Variants in STAP1 observed in about 807,000 individuals in gnomAD.
STAP1 encodes signal-transducing adaptor protein 1.
A neutral mutation model predicts 37.8 loss-of-function variants in STAP1; 30 were observed. That is an observed-to-expected ratio of 0.79 (90% CI 0.59 to 1.08). The LOEUF (loss-of-function observed/expected upper bound fraction) is 1.08. STAP1 is among the 50% of genes least tolerant of loss of function. The pLI, the probability that STAP1 is intolerant of heterozygous loss-of-function variation, is 0.00. For missense variants in STAP1, 357 were observed against 349.4 expected, an observed-to-expected ratio of 1.02 and a Z score of -0.17; for synonymous variants, 130 against 116.0, an observed-to-expected ratio of 1.12 and a Z score of -0.78.
chr4:67,572,705 G>A (rs1239525042), intron 2 of STAP1, among the ~76,000 whole-genome samples: 1 of 152,172 alleles, frequency 6.6e-6, no homozygotes. Flanking sequence ...ATAACTAAAT[G>A]AGATAGTACA....
chr4:67,582,361 G>C (rs1035450254), intron 5 of STAP1, among the ~76,000 whole-genome samples: 3 of 150,590 alleles, frequency 2.0e-5, no homozygotes, highest in African/African-American at 7.3e-5. Context: ...AGCCAGGCTA[G>C]AGTGCAGCAC....
intron 6 of STAP1, among the ~76,000 whole-genome samples, chr4:67,590,019 G>A (rs1728087028): frequency 6.6e-6 from 1 of 152,048 alleles, no homozygotes; most frequent in African/African-American, 2.4e-5. Flanking sequence ...GCCCAGTCTG[G>A]TCTCTAACTC....
At chr4:67,603,937 A>T (rs146645654) in intron 8 of STAP1, among the ~76,000 whole-genome samples, 3 of 152,114 alleles carry the variant, frequency 2.0e-5, no homozygotes, top group Non-Finnish European at 2.9e-5. Flanking sequence ...ACAGCACAGG[A>T]CTTGCCCAGG....
chr4:67,605,210 A>G (rs950038551), intron 8 of STAP1, among the ~76,000 whole-genome samples: 5 of 152,136 alleles, frequency 3.3e-5, no homozygotes, highest in African/African-American at 1.2e-4. Context: ...GTTAGAGATA[A>G]GAAAGAGAAA....
In STAP1 at chr4:67,602,534, G is replaced by A. The variant is rs149741169; in HGVS notation, c.827-3762G>A. Among the ~76,000 whole-genome samples, 541 of 152,196 alleles carry A rather than the reference G, an allele frequency of 3.6e-3. 2 individuals are homozygous for A. The highest frequency in any genetic ancestry group is 0.012 in the African/African-American group (519 of 41,522). On this transcript the variant is annotated intron_variant, in intron 8 of 8. Coordinates refer to ENST00000265404, the MANE Select transcript of STAP1 (RefSeq NM_012108.4). ...AGAATTGAGTATTCTGATCTAAGTCGTTGGTCACTGCAGCCATATATACAT... is the reference window on the plus strand; with the variant it reads ...AGAATTGAGTATTCTGATCTAAGTCATTGGTCACTGCAGCCATATATACAT...
At chr4:67,563,550 A>C (rs1302179185) in intron 1 of STAP1, among the ~76,000 whole-genome samples, 2 of 152,152 alleles carry the variant, frequency 1.3e-5, no homozygotes, top group African/African-American at 4.8e-5. Context: ...TACAAAATCA[A>C]AAAATTAGCC....
chr4:67,585,830 C>G (rs1313255038), intron 6 of STAP1, among the ~76,000 whole-genome samples: 1 of 152,148 alleles, frequency 6.6e-6, no homozygotes, highest in African/African-American at 2.4e-5. Context: ...GTGGATTTTT[C>G]TCTTTACTAT....
intron 2 of STAP1, among the ~76,000 whole-genome samples, chr4:67,573,323 A>G (rs1243380168): frequency 6.6e-6 from 1 of 152,222 alleles, no homozygotes; most frequent in Non-Finnish European, 1.5e-5. Context: ...TGGATGACTA[A>G]TGAAAGGATA....
At chr4:67,572,106 C>G (rs748023200) in intron 2 of STAP1, among the ~76,000 whole-genome samples, 2 of 152,192 alleles carry the variant, frequency 1.3e-5, no homozygotes, top group African/African-American at 2.4e-5. Context: ...CTTCAGACAG[C>G]CTGCCTGGGT....
chr4:67,583,389 A>G (rs565831753), intron 5 of STAP1, among the ~76,000 whole-genome samples, 185 bp from the exon 6 acceptor site: 3 of 152,346 alleles, frequency 2.0e-5, no homozygotes, highest in Admixed American at 2.0e-4. Context: ...TAACGTTAGC[A>G]TACACAGAGT....
intron 2 of STAP1, among the ~76,000 whole-genome samples, chr4:67,574,363 AAT>A (rs1180193694): frequency 6.6e-6 from 1 of 152,120 alleles, no homozygotes; most frequent in African/African-American, 2.4e-5. Flanking sequence ...ATTATCATTA[AAT>A]ATGATATTTG....
intron 1 of STAP1, among the ~76,000 whole-genome samples, chr4:67,563,464 T>C (rs533054719): frequency 9.9e-5 from 15 of 152,234 alleles, no homozygotes; most frequent in Admixed American, 3.9e-4. Flanking sequence ...CCAGCACTTA[T>C]GGAGGCCAAG....
intron 3 of STAP1, among the ~76,000 whole-genome samples, chr4:67,576,244 A>C (rs1019999095): frequency 6.6e-5 from 10 of 151,978 alleles, no homozygotes; most frequent in African/African-American, 2.2e-4. Context: ...TGGACTCCTA[A>C]TCTCTCTTAC....
chr4:67,594,997 A>T (rs1047330136), intron 8 of STAP1, among the ~76,000 whole-genome samples: 1 of 151,816 alleles, frequency 6.6e-6, no homozygotes, highest in Non-Finnish European at 1.5e-5. Context: ...TTGTCTTTTC[A>T]TTTTTTTAAC....
At chr4:67,591,000 T>G (rs1728108948) in intron 7 of STAP1, 47 bp downstream of exon 7, 2 of 1,481,026 alleles carry the variant, frequency 1.4e-6, no homozygotes, top group East Asian at 4.6e-5. Context: ...TCCCGATTCC[T>G]TATAGCCTCC....
At chr4:67,592,231 C>T (rs1313400619) in intron 7 of STAP1, among the ~76,000 whole-genome samples, 4 of 151,978 alleles carry the variant, frequency 2.6e-5, no homozygotes, top group African/African-American at 4.8e-5. Flanking sequence ...TGGGCTCAAG[C>T]GATCCTCCTA....
intron 2 of STAP1, 138 bp downstream of exon 2, chr4:67,571,293 T>G (rs1480808116): frequency 1.7e-6 from 1 of 580,190 alleles, no homozygotes; most frequent in Non-Finnish European, 3.0e-6. Flanking sequence ...AGTTTAAATC[T>G]GTGGGGGCCG....
intron 6 of STAP1, among the ~76,000 whole-genome samples, chr4:67,589,872 A>G (rs550605076): frequency 1.3e-5 from 2 of 151,654 alleles, no homozygotes; most frequent in Non-Finnish European, 2.9e-5. Context: ...CGGCACCATC[A>G]TAGCTCACTG....
At chr4:67,586,122 G>T (rs1040882861) in intron 6 of STAP1, among the ~76,000 whole-genome samples, 1 of 152,002 alleles carries the variant, frequency 6.6e-6, no homozygotes, top group East Asian at 1.9e-4. Flanking sequence ...TTACTATTCT[G>T]CATGAAATGA....
Sources: allele counts gnomAD v4.1 joint callset (sites outside exome capture counted in the v4.1 genomes callset), GRCh38; gene constraint gnomAD v4.1.1; transcripts MANE v1.5; gene names NCBI Gene and HGNC (gene_info 2026-07-23, HGNC 2026-07-21).